RGMA: variants seen among roughly 807,000 people sequenced by gnomAD.
RGMA encodes the protein repulsive guidance molecule A.
A neutral mutation model predicts 23.2 loss-of-function variants in RGMA; 10 were observed. That is an observed-to-expected ratio of 0.43 (90% confidence interval 0.27 to 0.73). RGMA has a LOEUF of 0.73. RGMA is among the 30% of genes least tolerant of loss of function. The pLI, the probability that RGMA is intolerant of heterozygous loss-of-function variation, is 0.20. For missense variants in RGMA, 547 were observed against 630.5 expected, an observed-to-expected ratio of 0.87 and a Z score of 1.42; for synonymous variants, 308 against 279.3, an observed-to-expected ratio of 1.10 and a Z score of -1.03.
chr15:93,068,706 A>G (rs927366104), intron 2 of RGMA, among the ~76,000 whole-genome samples: 14 of 152,240 alleles, frequency 9.2e-5, no homozygotes, highest in Non-Finnish European at 2.1e-4. Context: ...GGTTCTTGCC[A>G]CTGAACATCA....
chr15:93,065,564 G>A, intron 2 of RGMA: 1 of 716,260 alleles, frequency 1.4e-6, no homozygotes, highest in Non-Finnish European at 2.5e-6. Flanking sequence ...TGGCAGCTCT[G>A]GGTGTCCTTT....
At chr15:93,062,724 G>T (rs888592280) in intron 2 of RGMA, 1 of 152,178 alleles carries the variant, frequency 6.6e-6, no homozygotes, top group African/African-American at 2.4e-5. Context: ...TTTACCTGCC[G>T]TCCCCAAGGC....
intron 2 of RGMA, among the ~76,000 whole-genome samples, chr15:93,057,202 T>G (rs986577013): frequency 2.6e-5 from 4 of 152,176 alleles, no homozygotes; most frequent in African/African-American, 9.7e-5. Flanking sequence ...GGGCACCAGG[T>G]GGCTTCACCC....
chr15:93,070,458 G>C (rs1031336043), intron 2 of RGMA, among the ~76,000 whole-genome samples: 4 of 152,068 alleles, frequency 2.6e-5, no homozygotes, highest in Admixed American at 6.5e-5. Flanking sequence ...TTTATTTCTC[G>C]ATCTCCCGCC....
chr15:93,064,737 A>T, intron 2 of RGMA, among the ~76,000 whole-genome samples: 1 of 152,304 alleles, frequency 6.6e-6, no homozygotes, highest in African/African-American at 2.4e-5. Flanking sequence ...ACAGACATAA[A>T]TCTGACTTGG....
chr15:93,058,507 T>C (rs2055049676), intron 2 of RGMA, among the ~76,000 whole-genome samples: 1 of 152,274 alleles, frequency 6.6e-6, no homozygotes, highest in Non-Finnish European at 1.5e-5. Flanking sequence ...TCACAATTTA[T>C]GGGAGAGGCT....
chr15:93,071,157 T>C (rs149593241), intron 2 of RGMA, among the ~76,000 whole-genome samples: 1 of 152,334 alleles, frequency 6.6e-6, no homozygotes, highest in Non-Finnish European at 1.5e-5. Flanking sequence ...CAAAAGCCAT[T>C]TATCAACCCA....
chr15:93,058,863 G>A (rs2055056003), intron 2 of RGMA, among the ~76,000 whole-genome samples: 1 of 152,200 alleles, frequency 6.6e-6, no homozygotes, highest in Non-Finnish European at 1.5e-5. Context: ...CCTCACTGGG[G>A]AAGAGGCTGT....
At chr15:93,079,708 T>G (rs1438796667) in intron 1 of RGMA, among the ~76,000 whole-genome samples, 1 of 152,076 alleles carries the variant, frequency 6.6e-6, no homozygotes, top group Non-Finnish European at 1.5e-5. Flanking sequence ...TAACCCCAGC[T>G]ACTTCGGAGG....
chr15:93,067,115 A>G (rs1895182553), intron 2 of RGMA, among the ~76,000 whole-genome samples: 1 of 152,246 alleles, frequency 6.6e-6, no homozygotes, highest in Non-Finnish European at 1.5e-5. Flanking sequence ...TTATATCTTG[A>G]AAGATGTTTG....
intron 1 of RGMA, chr15:93,074,193 T>C (rs554174585): frequency 8.8e-5 from 21 of 238,962 alleles, no homozygotes; most frequent in African/African-American, 4.8e-4. Flanking sequence ...CTCACCTCAC[T>C]CCCAAGCCTG....
In RGMA at chr15:93,089,048, C is replaced by G. The variant is rs985751547; in HGVS notation, c.-116G>C. 5.5e-6 allele frequency: 3 copies of G among 547,830 alleles called. No homozygotes were observed. In the African/African-American group the frequency reaches 6.0e-5, roughly 11 times the overall value. The allele number at this position is 547,830 out of a possible 1,614,324, so 33.9% of individuals were successfully genotyped here. On this transcript the variant is annotated 5_prime_UTR_variant, in exon 1 of 4. Coordinates refer to ENST00000329082, the MANE Select transcript of RGMA (RefSeq NM_020211.3). The stretch of plus-strand genomic sequence containing the variant: ...GGGAGGGGCTCCGCTGGCGCTGGTC[C>G]CCGCCGCCCCGGCCGGCTCAGCAGC...
chr15:93,063,999 G>T (rs991843441), intron 2 of RGMA, among the ~76,000 whole-genome samples: 1 of 152,204 alleles, frequency 6.6e-6, no homozygotes, highest in Non-Finnish European at 1.5e-5. Flanking sequence ...ATACCAAGTG[G>T]CTACACGAAA....
At position 93,087,612 on chromosome 15, in the gene RGMA, C is replaced by T. The variant is rs114366597; in HGVS notation, c.14+1307G>A. 7.6e-3 allele frequency among the ~76,000 whole-genome samples: 1,156 copies of T among 152,212 alleles called. 10 individuals carry two copies. Among genetic ancestry groups the T allele is most frequent in the African/African-American group, 0.026 (1,069 of 41,534 alleles). ...TTTTCTAGGGGTCATGGCTCAAAATCCACCCAAGAAATCACCCGTTTGTGA... is the reference window on the plus strand; with the variant it reads ...TTTTCTAGGGGTCATGGCTCAAAATTCACCCAAGAAATCACCCGTTTGTGA... On this transcript the variant is annotated intron_variant, in intron 1 of 3. Transcript: ENST00000329082.
intron 1 of RGMA, among the ~76,000 whole-genome samples, chr15:93,087,891 CAG>C (rs1314778702): frequency 6.6e-6 from 1 of 152,118 alleles, no homozygotes; most frequent in East Asian, 1.9e-4. Flanking sequence ...CGTCGATACT[CAG>C]AGAGCTTCTG....
intron 3 of RGMA, 81 bp downstream of exon 3, chr15:93,051,912 G>A (rs1379027317): frequency 8.6e-6 from 12 of 1,402,914 alleles, no homozygotes; most frequent in South Asian, 4.0e-5. Flanking sequence ...AGGCACCCGA[G>A]GCCCTCTCAG....
chr15:93,045,588 C>T lies in RGMA; in HGVS notation c.763G>A (p.Gly255Arg), dbSNP rs757883687. 50 of 1,613,176 alleles carry T rather than the reference C, an allele frequency of 3.1e-5. No individual in the cohort carries two copies. Among genetic ancestry groups the T allele is most frequent in the South Asian group, 2.6e-4 (24 of 91,076 alleles). ...TCAGTGATCTTCAGGCTGTTGGCCC[C>T]GTGCTTGTCCCCACCGTTCTTAGAG... ...DGSKNGGDKH[G>R]ANSLKITEKV... Residue 255 changes from glycine to arginine, a missense_variant, in exon 4 of 4, where the codon GGG becomes AGG. Gly to Arg is a moderately radical substitution (Grantham distance 125, BLOSUM62 -2). This residue lies in a region of RGMA where 128 missense variants were observed against 191.7 expected (regional missense o/e 0.67). Transcript: ENST00000329082. The surrounding 1 kb of genome is among the most constrained non-coding windows in gnomAD (Gnocchi z 6.9).
chr15:93,060,221 G>A (rs1321904109), intron 2 of RGMA, among the ~76,000 whole-genome samples: 3 of 152,188 alleles, frequency 2.0e-5, no homozygotes, highest in Non-Finnish European at 1.5e-5. Context: ...CCGGCCCCTT[G>A]GTAAGCCTTG....
At chr15:93,048,447 C>T (rs988507641) in intron 3 of RGMA, among the ~76,000 whole-genome samples, 6 of 152,116 alleles carry the variant, frequency 3.9e-5, no homozygotes, top group East Asian at 1.9e-4. Flanking sequence ...ATGGAGGCTG[C>T]GGAGGGTCGG....
Sources: gnomAD v4.1 joint callset for allele counts (sites outside exome capture counted in the v4.1 genomes callset) on GRCh38, gnomAD v4.1.1 for gene constraint, gnomAD v4.1.1 regional missense constraint, Gnocchi (gnomAD v3.1) non-coding constraint, MANE v1.5 for transcripts, NCBI Gene and HGNC (gene_info 2026-07-23, HGNC 2026-07-21) for gene names.